Variants in AJAP1 observed in about 807,000 individuals in gnomAD.
AJAP1 encodes the protein adherens junctions associated protein 1, also known as adherens junction-associated protein 1.
Under a neutral mutation model 35.0 loss-of-function variants are expected in AJAP1, and 5 were observed. That is an observed-to-expected ratio of 0.14 (90% CI 0.07 to 0.30). The LOEUF (loss-of-function observed/expected upper bound fraction) is 0.30, where lower values mean the gene tolerates loss of function less well. Ranked by LOEUF, AJAP1 falls within the 10% of genes least tolerant of loss-of-function variation. The pLI, the probability that AJAP1 is intolerant of heterozygous loss-of-function variation, is 1.00. For synonymous variants in AJAP1, 284 were observed against 249.3 expected (o/e 1.14, Z -1.31); for missense variants, 586 against 571.0 (o/e 1.03, Z -0.27).
chr1:4,706,802 A>G (rs188874079), intron 1 of AJAP1, among the ~76,000 whole-genome samples: 64 of 152,310 alleles, frequency 4.2e-4, no homozygotes, highest in Middle Eastern at 3.4e-3. Context: ...TTGAATCTCA[A>G]TTCACCAAAT....
At chr1:4,733,977 A>T (rs916810928) in intron 2 of AJAP1, among the ~76,000 whole-genome samples, 3 of 152,200 alleles carry the variant, frequency 2.0e-5, no homozygotes. Context: ...GGAGCGGTTC[A>T]CGCGAGGTGT....
chr1:4,791,315 G>A lies in AJAP1; in HGVS notation c.*8830G>A, dbSNP rs952592715. The A allele has an allele frequency of 1.1e-4, 17 of 152,164 alleles. No homozygotes were observed. The highest frequency in any genetic ancestry group is 3.6e-4 in the African/African-American group (15 of 41,446). 9.4% of individuals were successfully genotyped at this position (152,164 alleles called of 1,614,324 possible). ...AGGCCATGCATTGATAACATTTTTA[G>A]AGTCTGTTACATTATTTTCTCAAAA... On this transcript the variant is annotated 3_prime_UTR_variant, in exon 6 of 6. Coordinates refer to ENST00000378191, the MANE Select transcript of AJAP1 (RefSeq NM_018836.4).
At chr1:4,733,577 C>T (rs1400359977) in intron 2 of AJAP1, among the ~76,000 whole-genome samples, 9 of 151,282 alleles carry the variant, frequency 5.9e-5, no homozygotes, top group Non-Finnish European at 1.3e-4. Flanking sequence ...ATTGCACAGC[C>T]GTCTTCCTGT....
At chr1:4,689,171 GGA>G (rs1639678229) in intron 1 of AJAP1, among the ~76,000 whole-genome samples, 3 of 152,216 alleles carry the variant, frequency 2.0e-5, no homozygotes, top group South Asian at 2.1e-4. Context: ...CAGAGTATAG[GGA>G]GAGAGAGAAA....
intron 2 of AJAP1, among the ~76,000 whole-genome samples, chr1:4,739,621 T>C (rs748873798): frequency 2.4e-4 from 36 of 152,374 alleles, no homozygotes; most frequent in Non-Finnish European, 4.7e-4. Flanking sequence ...GTATTTTTCG[T>C]GTTCTCTCAC....
chr1:4,711,016 CA>C (rs1247478680), intron 1 of AJAP1: 1 of 152,272 alleles, frequency 6.6e-6, no homozygotes, highest in African/African-American at 2.4e-5. Flanking sequence ...GCCCTTTCTG[CA>C]GCCCTCCGGG....
chr1:4,711,022 T>A (rs1237472218), intron 1 of AJAP1: 1 of 152,198 alleles, frequency 6.6e-6, no homozygotes, highest in Non-Finnish European at 1.5e-5. Flanking sequence ...TCTGCAGCCC[T>A]CCGGGGAGCT....
chr1:4,682,666 TGTGATGATG>T (rs896558917), intron 1 of AJAP1, among the ~76,000 whole-genome samples: 1 of 148,314 alleles, frequency 6.7e-6, no homozygotes, highest in African/African-American at 2.5e-5. Flanking sequence ...CAGACATGAA[TGTGATGATG>T]GTGATGATGA....
chr1:4,657,043 G>A (rs1475185315), intron 1 of AJAP1, among the ~76,000 whole-genome samples: 1 of 152,184 alleles, frequency 6.6e-6, no homozygotes, highest in Non-Finnish European at 1.5e-5. Flanking sequence ...CTGGTCTTCA[G>A]CTCCGACCTG....
chr1:4,749,464 G>A (rs925602972), intron 2 of AJAP1, among the ~76,000 whole-genome samples: 1 of 152,218 alleles, frequency 6.6e-6, no homozygotes, highest in South Asian at 2.1e-4. Flanking sequence ...TGGGATCCTC[G>A]CATGGATGCA....
intron 1 of AJAP1, among the ~76,000 whole-genome samples, chr1:4,694,473 G>A (rs1639813575): frequency 6.6e-6 from 1 of 152,222 alleles, no homozygotes; most frequent in South Asian, 2.1e-4. Context: ...GGCCTGTTCT[G>A]CTCCTTGGGA....
chr1:4,748,479 G>T (rs1641244570), intron 2 of AJAP1, among the ~76,000 whole-genome samples: 1 of 152,018 alleles, frequency 6.6e-6, no homozygotes, highest in Non-Finnish European at 1.5e-5. Context: ...TGGGTGCGGT[G>T]TCTCACGCCT....
chr1:4,682,504 C>T (rs1639505378), intron 1 of AJAP1, among the ~76,000 whole-genome samples: 1 of 152,198 alleles, frequency 6.6e-6, no homozygotes, highest in Non-Finnish European at 1.5e-5. Context: ...TTCATGTCCC[C>T]ATCTGTGCTC....
At chr1:4,719,517 G>A (rs1379995911) in intron 2 of AJAP1, among the ~76,000 whole-genome samples, 1 of 152,148 alleles carries the variant, frequency 6.6e-6, no homozygotes, top group African/African-American at 2.4e-5. Flanking sequence ...GAGCCCTGGG[G>A]TGGATAGGGG....
chr1:4,704,135 G>A (rs1176535695), intron 1 of AJAP1, among the ~76,000 whole-genome samples: 1 of 150,732 alleles, frequency 6.6e-6, no homozygotes, highest in Non-Finnish European at 1.5e-5. Flanking sequence ...CCTCCTGTCT[G>A]TTCCAGCTGC....
chr1:4,661,704 T>C (rs1162051597), intron 1 of AJAP1, among the ~76,000 whole-genome samples: 1 of 152,244 alleles, frequency 6.6e-6, no homozygotes, highest in Non-Finnish European at 1.5e-5. Context: ...GCTGCTGTGA[T>C]GCCAAGTCAG....
At chr1:4,726,471 G>A (rs1471491431) in intron 2 of AJAP1, among the ~76,000 whole-genome samples, 1 of 152,140 alleles carries the variant, frequency 6.6e-6, no homozygotes, top group Non-Finnish European at 1.5e-5. Flanking sequence ...GAGGCTTCTG[G>A]GGTGGTGTGG....
At chr1:4,743,031 G>A (rs1184359681) in intron 2 of AJAP1, among the ~76,000 whole-genome samples, 1 of 152,170 alleles carries the variant, frequency 6.6e-6, no homozygotes, top group Non-Finnish European at 1.5e-5. Context: ...CCCTGTCCCC[G>A]TCAGAACCTG....
chr1:4,698,481 G>A (rs1340284086), intron 1 of AJAP1, among the ~76,000 whole-genome samples: 1 of 152,216 alleles, frequency 6.6e-6, no homozygotes, highest in Non-Finnish European at 1.5e-5. Flanking sequence ...CACCTTAGGT[G>A]GGCTGTTGTA....
Sources: allele counts gnomAD v4.1 joint callset (sites outside exome capture counted in the v4.1 genomes callset), GRCh38; gene constraint gnomAD v4.1.1; transcripts MANE v1.5; gene names NCBI Gene and HGNC (gene_info 2026-07-23, HGNC 2026-07-21).